The following PTPN13 variants were observed in gnomAD, a reference collection of about 807,000 sequenced individuals.
PTPN13 encodes the protein tyrosine-protein phosphatase non-receptor type 13.
A neutral mutation model predicts 284.0 loss-of-function variants in PTPN13; 191 were observed. That is an observed-to-expected ratio of 0.67 (90% CI 0.60 to 0.76). The LOEUF is 0.76. Ranked by LOEUF, PTPN13 falls within the 30% of genes least tolerant of loss-of-function variation. The pLI, the probability that PTPN13 is intolerant of heterozygous loss-of-function variation, is 0.00. For missense variants in PTPN13, 2,797 were observed against 2,939.9 expected, an observed-to-expected ratio of 0.95 and a Z score of 1.12; for synonymous variants, 986 against 1,022.3, an observed-to-expected ratio of 0.96 and a Z score of 0.68.
intron 7 of PTPN13, among the ~76,000 whole-genome samples, chr4:86,713,819 C>G (rs896278249): frequency 6.6e-6 from 1 of 152,072 alleles, no homozygotes; most frequent in African/African-American, 2.4e-5. Flanking sequence ...GTTCATCATC[C>G]CTATTCTGGT....
intron 17 of PTPN13, among the ~76,000 whole-genome samples, chr4:86,747,546 AGCG>A (rs200567363): frequency 0.083 from 12,298 of 148,612 alleles, 631 homozygotes; most frequent in Non-Finnish European, 0.11. Flanking sequence ...CAGCAGCAGC[AGCG>A]GCAGCAGCAG....
chr4:86,641,341 T>C (rs1411223943), intron 2 of PTPN13, among the ~76,000 whole-genome samples: 3 of 152,264 alleles, frequency 2.0e-5, no homozygotes, highest in Non-Finnish European at 4.4e-5. Context: ...TTTTCCCCCT[T>C]ATCATCTTGA....
intron 3 of PTPN13, among the ~76,000 whole-genome samples, chr4:86,686,356 A>G (rs992935002): frequency 4.0e-5 from 6 of 150,102 alleles, no homozygotes; most frequent in Admixed American, 6.6e-5. Context: ...CTCTGCCTCA[A>G]AAAAAAAAAG....
Position 86,741,617 on chromosome 4 carries a change from TG to T in PTPN13, c.2305-15del. 1 of 1,603,012 alleles carries T rather than the reference TG, an allele frequency of 6.2e-7. No homozygotes were observed. Among genetic ancestry groups the T allele is most frequent in the Non-Finnish European group, 8.5e-7 (1 of 1,170,800 alleles). Reference sequence around the variant, plus strand: ...TTTACCAAAGTGTATTGCTATGGTATGGTATTATTCCAACAGGTCTGCCAAA... The same window carrying T: ...TTTACCAAAGTGTATTGCTATGGTATGTATTATTCCAACAGGTCTGCCAAA... On this transcript the variant is annotated splice_polypyrimidine_tract_variant and intron_variant, in intron 15 of 47. Coordinates refer to ENST00000411767, the MANE Select transcript of PTPN13 (RefSeq NM_080683.3).
At chr4:86,791,104 A>G (rs1191944514) in intron 40 of PTPN13, among the ~76,000 whole-genome samples, 2 of 152,134 alleles carry the variant, frequency 1.3e-5, no homozygotes, top group Non-Finnish European at 2.9e-5. Flanking sequence ...CAAAGCCATG[A>G]CAGACTGTAC....
chr4:86,779,618 C>A (rs996859334), intron 35 of PTPN13, among the ~76,000 whole-genome samples: 2 of 152,034 alleles, frequency 1.3e-5, no homozygotes, highest in African/African-American at 4.8e-5. Flanking sequence ...CCTTAAGAAA[C>A]GGCCCAGATA....
intron 19 of PTPN13, 81 bp downstream of exon 19, chr4:86,751,205 T>C (rs137855725): frequency 9.4e-7 from 1 of 1,066,598 alleles, no homozygotes; most frequent in East Asian, 2.6e-5. Context: ...AATTATCAAA[T>C]TATTTTGGGT....
chr4:86,614,116 A>G (rs1381364344), intron 1 of PTPN13, among the ~76,000 whole-genome samples: 1 of 152,178 alleles, frequency 6.6e-6, no homozygotes, highest in Non-Finnish European at 1.5e-5. Context: ...AATACAATCG[A>G]ATTTATTAGC....
intron 1 of PTPN13, among the ~76,000 whole-genome samples, chr4:86,625,310 TA>T (rs1431937181): frequency 1.3e-5 from 2 of 152,078 alleles, no homozygotes. Context: ...TAATACAGGT[TA>T]TTTCCCCTAC....
rs1172352602 is a variant in PTPN13, at chr4:86,732,475, G to A, written c.1683+1G>A. On this transcript the variant is annotated splice_donor_variant, in intron 11 of 47. Transcript: ENST00000411767. LOFTEE classifies it high-confidence loss of function. ...TTTGGATTTGCCACGGTCTATTCTT[G>A]TAAGTAATAAAACCAATTTGTGTCA... is the stretch of plus-strand genomic sequence containing the variant. The A allele has an allele frequency of 6.3e-7, 1 of 1,599,446 alleles. No individual in the cohort carries two copies. The highest frequency in any genetic ancestry group is 8.5e-7 in the Non-Finnish European group (1 of 1,171,524).
At chr4:86,604,309 A>G (rs971942636) in intron 1 of PTPN13, among the ~76,000 whole-genome samples, 1 of 152,098 alleles carries the variant, frequency 6.6e-6, no homozygotes, top group East Asian at 1.9e-4. Context: ...ATACACATAT[A>G]AAATGATTGG....
chr4:86,777,516 T>C (rs1245605599), intron 35 of PTPN13, among the ~76,000 whole-genome samples: 1 of 152,208 alleles, frequency 6.6e-6, no homozygotes, highest in Non-Finnish European at 1.5e-5. Flanking sequence ...TCTTTTGCCA[T>C]ATAAATAGTA....
chr4:86,613,710 G>C (rs1393807795), intron 1 of PTPN13, among the ~76,000 whole-genome samples: 1 of 151,734 alleles, frequency 6.6e-6, no homozygotes, highest in African/African-American at 2.4e-5. Context: ...CCAGCTAAAG[G>C]TCAACCTTGC....
chr4:86,724,357 CAT>C (rs1733997493), intron 10 of PTPN13, among the ~76,000 whole-genome samples: 1 of 152,146 alleles, frequency 6.6e-6, no homozygotes, highest in African/African-American at 2.4e-5. Context: ...ACTGCACGTA[CAT>C]ATACACCCCT....
At chr4:86,652,782 C>T (rs1725243965) in intron 2 of PTPN13, among the ~76,000 whole-genome samples, 1 of 152,026 alleles carries the variant, frequency 6.6e-6, no homozygotes, top group Non-Finnish European at 1.5e-5. Flanking sequence ...TCTTTTCATA[C>T]TTGGATATTC....
chr4:86,775,560 T>C lies in PTPN13; in HGVS notation c.5799T>C (p.Tyr1933=), dbSNP rs1315761918. The C allele has an allele frequency of 2.5e-6, 4 of 1,613,772 alleles. No homozygotes were observed. The highest frequency in any genetic ancestry group is 3.4e-6 in the Non-Finnish European group (4 of 1,179,796). Residue 1933 remains tyrosine (Y), a synonymous_variant, in exon 35 of 48, where the codon TAT becomes TAC. Coordinates refer to ENST00000411767, the MANE Select transcript of PTPN13 (RefSeq NM_080683.3). ...GNLQLLDVIH[Y]VNGVSTQGMT... ...TCCAGCTATTAGATGTCATCCATTA[T>C]GTGAACGGAGTCAGCACACAAGGAA...
Position 86,763,052 on chromosome 4 carries a change from A to G in PTPN13, c.3879A>G (p.Lys1293=). The change falls in exon 24 of 48, where the codon AAA becomes AAG. Residue 1293 remains lysine (K), a synonymous_variant. Coordinates refer to ENST00000411767, the MANE Select transcript of PTPN13 (RefSeq NM_080683.3). ...SPSVISKATE[K]ETFTDSNQSK... is the part of the protein sequence containing the mutation. ...CTGTAATATCCAAAGCCACCGAGAA[A>G]GAGACTTTCACTGATAGTAACCAAA... 1.2e-6 allele frequency: 2 copies of G among 1,613,894 alleles called. No individual in the cohort carries two copies. Among genetic ancestry groups the G allele is most frequent in the South Asian group, 1.1e-5 (1 of 91,066 alleles).
intron 10 of PTPN13, among the ~76,000 whole-genome samples, chr4:86,725,798 G>T (rs1233703403): frequency 6.7e-6 from 1 of 149,434 alleles, no homozygotes; most frequent in East Asian, 1.9e-4. Flanking sequence ...AGTTTCTTTT[G>T]CCATACAGAC....
At chr4:86,811,273 GA>G (rs1478172916) in intron 47 of PTPN13, among the ~76,000 whole-genome samples, 165 bp downstream of exon 47, 1 of 151,928 alleles carries the variant, frequency 6.6e-6, no homozygotes, top group African/African-American at 2.4e-5. Flanking sequence ...GACTAATTCA[GA>G]AAAAAATTAA....
Sources: gnomAD v4.1 joint callset for allele counts (sites outside exome capture counted in the v4.1 genomes callset) on GRCh38, gnomAD v4.1.1 for gene constraint, MANE v1.5 for transcripts, NCBI Gene and HGNC (gene_info 2026-07-23, HGNC 2026-07-21) for gene names.